The following ZBED6 variants were observed in gnomAD, a reference collection of about 807,000 sequenced individuals.
ZBED6 encodes the protein zinc finger BED-type containing 6.
Under a neutral mutation model 58.4 loss-of-function variants are expected in ZBED6, and 40 were observed. The observed-to-expected ratio is 0.68, with a 90% CI of 0.53 to 0.89. The LOEUF is 0.89. Ranked by LOEUF, ZBED6 falls within the 40% of genes least tolerant of loss-of-function variation. The pLI, the probability that ZBED6 is intolerant of heterozygous loss-of-function variation, is 0.00. For synonymous variants in ZBED6, 439 were observed against 350.6 expected (o/e 1.25, Z -2.82); for missense variants, 1,057 against 1,003.9 (o/e 1.05, Z -0.71).
Position 203,799,948 on chromosome 1 carries a change from TC to T in ZBED6, c.2427del (p.Cys810AlafsTer24). ...AATTATATGGAATCTTCACCAGAGA[TC>T]TGCCAAATTCCAACTTCAGAAGCTT... On this transcript the variant is annotated frameshift_variant, in exon 1 of 17. Coordinates refer to ENST00000550078, the Ensembl canonical transcript of ZBED6. LOFTEE classifies it high-confidence loss of function. The T allele has an allele frequency of 6.5e-7, 1 of 1,536,118 alleles. No individual in the cohort carries two copies. Among genetic ancestry groups the T allele is most frequent in the South Asian group, 1.2e-5 (1 of 84,066 alleles).
At chr1:203,842,145 A>C (rs1572307322) in intron 11 of ZBED6, among the ~76,000 whole-genome samples, 1 of 149,054 alleles carries the variant, frequency 6.7e-6, no homozygotes, top group African/African-American at 2.5e-5. Flanking sequence ...GGCTCCTCAC[A>C]TCCCAGACGA....
exon 1 of ZBED6, chr1:203,799,257 A>G: frequency 1.3e-6 from 1 of 780,958 alleles, no homozygotes. Context: ...TGGTGGTTTT[A>G]CCCATGTGCC....
chr1:203,820,699 C>T (rs1440212729), intron 3 of ZBED6, among the ~76,000 whole-genome samples: 45 of 151,906 alleles, frequency 3.0e-4, no homozygotes, highest in Admixed American at 2.8e-3. Context: ...AGGCTGGTCT[C>T]GAATTGTTGG....
At position 203,823,132 on chromosome 1, in the gene ZBED6, A is replaced by G. The variant is rs949490338; in HGVS notation, c.*2873+4443A>G. On this transcript the variant is annotated intron_variant, in intron 3 of 16. Transcript: ENST00000550078. ...TGGAGTGTATATTGGCACAGCTCCTATGGAGGGTATGGCAGTGTCTCCAGG... is the reference window on the plus strand; with the variant it reads ...TGGAGTGTATATTGGCACAGCTCCTGTGGAGGGTATGGCAGTGTCTCCAGG... Among the ~76,000 whole-genome samples the G allele has an allele frequency of 3.9e-5, 6 of 152,174 alleles. No individual in the cohort carries two copies. In the South Asian group the frequency reaches 6.2e-4, roughly 16 times the overall value.
chr1:203,829,807 C>G, exon 6 of ZBED6: 1 of 1,613,988 alleles, frequency 6.2e-7, no homozygotes, highest in Non-Finnish European at 8.5e-7. Flanking sequence ...GGTGATGAAA[C>G]CAAAACACCT....
At chr1:203,829,720 C>T in intron 5 of ZBED6, 60 bp from the exon 6 acceptor site, 3 of 1,611,738 alleles carry the variant, frequency 1.9e-6, no homozygotes, top group Admixed American at 1.7e-5. Flanking sequence ...TGGGCAGAAT[C>T]AGGATTAAAG....
intron 4 of ZBED6, 27 bp from the exon 5 acceptor site, chr1:203,829,423 TA>T (rs1296736823): frequency 6.2e-7 from 1 of 1,613,404 alleles, no homozygotes; most frequent in East Asian, 2.2e-5. Flanking sequence ...CTTCTGTTTT[TA>T]ATTTATGACT....
At chr1:203,805,498 G>A (rs1452282640) in intron 1 of ZBED6, 2 of 443,764 alleles carry the variant, frequency 4.5e-6, no homozygotes, top group South Asian at 1.8e-5. Flanking sequence ...AAATAGAAGA[G>A]CAATGTAATT....
intron 2 of ZBED6, 73 bp downstream of exon 2, chr1:203,817,197 T>C: frequency 7.8e-7 from 1 of 1,284,822 alleles, no homozygotes; most frequent in Non-Finnish European, 1.1e-6. Context: ...TTTCCCAACA[T>C]TTTAAGTTGT....
rs370564258 is a variant in ZBED6, at chr1:203,828,257, T to C, written c.*2874-42T>C. ...ACAAACTGCCACATGAATATACGTATCACTGTTTTATTTGAAAGCAATGTG... is the reference window on the plus strand; with the variant it reads ...ACAAACTGCCACATGAATATACGTACCACTGTTTTATTTGAAAGCAATGTG... On this transcript the variant is annotated intron_variant, in intron 3 of 16. Transcript: ENST00000550078. 4.3e-6 allele frequency: 7 copies of C among 1,612,096 alleles called. No homozygotes were observed. In the African/African-American group the frequency reaches 9.3e-5, roughly 22 times the overall value.
chr1:203,827,899 C>T (rs111821182), intron 3 of ZBED6, among the ~76,000 whole-genome samples: 5 of 152,198 alleles, frequency 3.3e-5, no homozygotes, highest in East Asian at 1.9e-4. Flanking sequence ...ACCATTTATT[C>T]CCGTTTTATA....
intron 7 of ZBED6, among the ~76,000 whole-genome samples, chr1:203,831,403 GC>G (rs1682317016): frequency 6.6e-6 from 1 of 152,048 alleles, no homozygotes; most frequent in Admixed American, 6.6e-5. Context: ...GTAAATATTA[GC>G]CTTATTGGTA....
At chr1:203,836,524 T>C (rs1390462331) in intron 9 of ZBED6, among the ~76,000 whole-genome samples, 1 of 152,076 alleles carries the variant, frequency 6.6e-6, no homozygotes, top group African/African-American at 2.4e-5. Flanking sequence ...CTGAGGCAGG[T>C]GGATCACAAG....
chr1:203,825,680 C>T (rs1680306266), intron 3 of ZBED6, among the ~76,000 whole-genome samples: 1 of 152,102 alleles, frequency 6.6e-6, no homozygotes, highest in Admixed American at 6.6e-5. Context: ...CCACCTTGGC[C>T]TCCCAAAGTG....
chr1:203,804,434 G>T (rs929575468), intron 1 of ZBED6, among the ~76,000 whole-genome samples: 1 of 152,146 alleles, frequency 6.6e-6, no homozygotes. Context: ...TTACAAGCAT[G>T]AGCCACCACG....
chr1:203,799,515 G>A (rs1669861530), exon 1 of ZBED6: 1 of 702,966 alleles, frequency 1.4e-6, no homozygotes, highest in East Asian at 2.7e-5. Flanking sequence ...TTGCTACTCA[G>A]TTCACCATAG....
chr1:203,798,093 G>A (rs1669242069), exon 1 of ZBED6: 1 of 1,536,140 alleles, frequency 6.5e-7, no homozygotes, highest in Non-Finnish European at 8.7e-7. Context: ...CAACAAGTTT[G>A]GAGTTGCTAG....
chr1:203,806,087 T>C (rs1381870919), intron 1 of ZBED6: 1 of 504,878 alleles, frequency 2.0e-6, no homozygotes, highest in Non-Finnish European at 3.9e-6. Context: ...GCTTTCTGCG[T>C]AATCATATTC....
At chr1:203,838,851 G>A (rs1685168345) in intron 10 of ZBED6, among the ~76,000 whole-genome samples, 1 of 151,596 alleles carries the variant, frequency 6.6e-6, no homozygotes, top group Admixed American at 6.6e-5. Flanking sequence ...TACTTGGGAG[G>A]CTGAGGCAGG....
Sources: allele counts gnomAD v4.1 joint callset (sites outside exome capture counted in the v4.1 genomes callset), GRCh38; gene constraint gnomAD v4.1.1; transcripts MANE v1.5; gene names NCBI Gene and HGNC (gene_info 2026-07-23, HGNC 2026-07-21).